The following BICD1 variants were observed in gnomAD, a reference collection of about 807,000 sequenced individuals.
BICD1 encodes BICD cargo adaptor 1.
BICD1 carries 35 observed loss-of-function variants against 92.5 expected under a neutral mutation model. The ratio of observed to expected loss-of-function variants is 0.38; its 90% confidence interval spans 0.29 to 0.50. BICD1 has a LOEUF of 0.50. BICD1 is among the 20% of genes least tolerant of loss of function. The probability of loss-of-function intolerance (pLI) is 0.93; values close to 1 mark genes in which losing one functional copy is unlikely to be tolerated. For missense variants in BICD1, 950 were observed against 1,189.8 expected, an observed-to-expected ratio of 0.80 and a Z score of 2.97; for synonymous variants, 429 against 465.1, an observed-to-expected ratio of 0.92 and a Z score of 1.00.
At chr12:32,222,322 A>T (rs1265538760) in intron 2 of BICD1, among the ~76,000 whole-genome samples, 1 of 152,238 alleles carries the variant, frequency 6.6e-6, no homozygotes, top group Admixed American at 6.5e-5. Context: ...AACAACATTT[A>T]TTGAGTGCCA....
At chr12:32,373,945 G>A (rs1939833690) in intron 9 of BICD1, among the ~76,000 whole-genome samples, 1 of 151,840 alleles carries the variant, frequency 6.6e-6, no homozygotes, top group Non-Finnish European at 1.5e-5. Context: ...TGGACACAGT[G>A]GCTCATGCCT....
At chr12:32,145,956 A>C (rs1021797412) in intron 1 of BICD1, among the ~76,000 whole-genome samples, 1 of 152,226 alleles carries the variant, frequency 6.6e-6, no homozygotes, top group South Asian at 2.1e-4. Context: ...GAGGCACTAT[A>C]TTAGGTGCTG....
In BICD1 at chr12:32,221,582, T is replaced by G. The variant is rs1034413115; in HGVS notation, c.426+5123T>G. On this transcript the variant is annotated intron_variant, in intron 2 of 9. Transcript: ENST00000652176. ...GCCTGTCCCTAGATGCTTGGGAGTTTGAGGCAGAGAATTGCTTGAACCCGG... is the reference window on the plus strand; with the variant it reads ...GCCTGTCCCTAGATGCTTGGGAGTTGGAGGCAGAGAATTGCTTGAACCCGG... Among the ~76,000 whole-genome samples the G allele has an allele frequency of 9.9e-5, 15 of 151,662 alleles. No individual in the cohort carries two copies. The East Asian group carries it at 2.7e-3, about 27-fold the overall frequency.
rs1270488459 is a variant in BICD1 at position 32,377,882 on chromosome 12, A to G, written c.*255A>G. The G allele has an allele frequency of 2.7e-6, 1 of 367,894 alleles. No homozygotes were observed. The highest frequency in any genetic ancestry group is 4.6e-5 in the East Asian group (1 of 21,602). 22.8% of individuals were successfully genotyped at this position (367,894 alleles called of 1,614,324 possible). A position where few individuals can be genotyped will look rare whatever the true frequency, so the allele number is the denominator to read the frequency against. On this transcript the variant is annotated 3_prime_UTR_variant, in exon 10 of 10. Transcript: ENST00000652176. Reference sequence around the variant, plus strand: ...GGCTACAGTTCATTTAAATTTAAAAAAAAGAAAAAAGAAACAGAAAACGTG... The same window carrying G: ...GGCTACAGTTCATTTAAATTTAAAAGAAAGAAAAAAGAAACAGAAAACGTG...
At chr12:32,249,640 C>G (rs1395615979) in intron 2 of BICD1, among the ~76,000 whole-genome samples, 1 of 151,502 alleles carries the variant, frequency 6.6e-6, no homozygotes, top group Non-Finnish European at 1.5e-5. Flanking sequence ...CTGGAGATCA[C>G]TAAGGGCTTC....
intron 1 of BICD1, among the ~76,000 whole-genome samples, chr12:32,134,818 G>C (rs1329328766): frequency 1.3e-5 from 2 of 152,286 alleles, no homozygotes; most frequent in Non-Finnish European, 2.9e-5. Context: ...GCCACCTTTG[G>C]TCTACAGCAG....
chr12:32,238,501 A>T (rs1053397173), intron 2 of BICD1, among the ~76,000 whole-genome samples: 2 of 152,242 alleles, frequency 1.3e-5, no homozygotes, highest in Non-Finnish European at 2.9e-5. Flanking sequence ...AACTTAGCTG[A>T]TAAAGCAGGG....
intron 8 of BICD1, among the ~76,000 whole-genome samples, chr12:32,346,560 A>ACGTGTG (rs1257647602): frequency 1.4e-4 from 3 of 21,158 alleles, no homozygotes; most frequent in East Asian, 1.9e-3. Flanking sequence ...ATATATATAT[A>ACGTGTG]TATATATATA....
intron 1 of BICD1, among the ~76,000 whole-genome samples, chr12:32,113,820 C>T (rs1054853824): frequency 4.6e-5 from 7 of 151,784 alleles, no homozygotes; most frequent in African/African-American, 1.7e-4. Context: ...AGCGATTCTC[C>T]TGCCTCAGCC....
chr12:32,211,704 GAAA>G (rs11326117), intron 1 of BICD1, among the ~76,000 whole-genome samples: 7 of 139,554 alleles, frequency 5.0e-5, no homozygotes, highest in East Asian at 2.2e-4. Context: ...AAACAGTTGT[GAAA>G]AAAAAAAAAA....
At chr12:32,226,662 A>C (rs1230786774) in intron 2 of BICD1, among the ~76,000 whole-genome samples, 1 of 152,178 alleles carries the variant, frequency 6.6e-6, no homozygotes. Context: ...CCCAGGCTTC[A>C]GCGACCCTTC....
intron 8 of BICD1, among the ~76,000 whole-genome samples, chr12:32,341,255 C>T (rs1429507735): frequency 6.6e-6 from 1 of 151,996 alleles, no homozygotes; most frequent in Non-Finnish European, 1.5e-5. Context: ...GCAGGTGAAT[C>T]ACTTGGGCTC....
chr12:32,328,281 C>G lies in BICD1; in HGVS notation c.1826C>G (p.Ser609Ter). The change falls in exon 5 of 10, where the codon TCA (serine) becomes TGA (stop). Residue 609 changes from serine (S) to a stop codon, truncating the protein, a stop_gained. Transcript: ENST00000652176. LOFTEE classifies it high-confidence loss of function. The surrounding 1 kb of genome is among the most constrained non-coding windows in gnomAD (Gnocchi z 4.4). Reference protein sequence around the residue: ...TISPVITAPPSSPVLDTSDIR... With the variant: ...TISPVITAPP The stretch of plus-strand genomic sequence containing the variant: ...TCTCCTGTTATTACTGCCCCACCGT[C>G]ATCTCCAGTATTGGATACAAGTGAC... 3 of 1,614,240 alleles carry G rather than the reference C, an allele frequency of 1.9e-6. No individual in the cohort carries two copies. The highest frequency in any genetic ancestry group is 2.5e-6 in the Non-Finnish European group (3 of 1,180,042).
At chr12:32,250,315 C>T (rs1946493572) in intron 2 of BICD1, among the ~76,000 whole-genome samples, 1 of 152,072 alleles carries the variant, frequency 6.6e-6, no homozygotes, top group East Asian at 1.9e-4. Context: ...ACGATAATAC[C>T]TACCTCAGTG....
chr12:32,107,907 CG>C, intron 1 of BICD1: 4 of 573,172 alleles, frequency 7.0e-6, no homozygotes, highest in Non-Finnish European at 1.2e-5. Flanking sequence ...GCGACAATTT[CG>C]TAGTCCACAA....
intron 6 of BICD1, among the ~76,000 whole-genome samples, chr12:32,334,875 C>T (rs1365776923): frequency 1.3e-5 from 2 of 152,058 alleles, no homozygotes; most frequent in Admixed American, 6.6e-5. Flanking sequence ...CACTCTGGAT[C>T]CAGAAATTCT....
At chr12:32,303,990 G>A (rs1373205112) in intron 3 of BICD1, among the ~76,000 whole-genome samples, 2 of 152,158 alleles carry the variant, frequency 1.3e-5, no homozygotes, top group African/African-American at 4.8e-5. Flanking sequence ...CAGGAGAATG[G>A]CGTCAACCAG....
intron 2 of BICD1, among the ~76,000 whole-genome samples, chr12:32,275,685 A>G (rs934621061): frequency 4.6e-5 from 7 of 151,848 alleles, no homozygotes; most frequent in African/African-American, 1.7e-4. Context: ...CCCGCCGCTG[A>G]TTCCCATCGC....
chr12:32,116,959 C>A (rs974765945), intron 1 of BICD1, among the ~76,000 whole-genome samples: 47 of 147,678 alleles, frequency 3.2e-4, no homozygotes, highest in African/African-American at 1.1e-3. Flanking sequence ...CTTCTGGATT[C>A]ATATTTTCTG....
Sources: gnomAD v4.1 joint callset for allele counts (sites outside exome capture counted in the v4.1 genomes callset) on GRCh38, gnomAD v4.1.1 for gene constraint, Gnocchi (gnomAD v3.1) non-coding constraint, MANE v1.5 for transcripts, NCBI Gene and HGNC (gene_info 2026-07-23, HGNC 2026-07-21) for gene names.